ZYG11A: variants seen among roughly 807,000 people sequenced by gnomAD.
ZYG11A encodes zyg-11 family member A, cell cycle regulator.
A neutral mutation model predicts 77.2 loss-of-function variants in ZYG11A; 62 were observed. That is an observed-to-expected ratio of 0.80 (90% CI 0.65 to 0.99). The LOEUF (loss-of-function observed/expected upper bound fraction) is 0.99, where lower values mean the gene tolerates loss of function less well. Ranked by LOEUF, ZYG11A falls within the 50% of genes least tolerant of loss-of-function variation. ZYG11A has a pLI of 0.00. For synonymous variants in ZYG11A, 315 were observed against 324.6 expected, an observed-to-expected ratio of 0.97 and a Z score of 0.32; for missense variants, 828 against 896.8, an observed-to-expected ratio of 0.92 and a Z score of 0.98.
intron 4 of ZYG11A, among the ~76,000 whole-genome samples, chr1:52,861,302 A>C (rs1645922185): frequency 6.6e-6 from 1 of 152,178 alleles, no homozygotes; most frequent in African/African-American, 2.4e-5. Context: ...GAGGCTTGGG[A>C]AAGAAAACTT....
intron 8 of ZYG11A, among the ~76,000 whole-genome samples, chr1:52,870,066 G>T (rs1334857517): frequency 1.4e-5 from 2 of 145,300 alleles, no homozygotes; most frequent in Non-Finnish European, 3.0e-5. Flanking sequence ...CCTCCCAGAC[G>T]GGGTCGCGGC....
At chr1:52,863,851 A>G (rs1645972959) in intron 4 of ZYG11A, 130 bp from the exon 5 acceptor site, 6 of 794,674 alleles carry the variant, frequency 7.6e-6, no homozygotes, top group Non-Finnish European at 1.2e-5. Context: ...GTTCTAAAGA[A>G]TAAATGCTTA....
At chr1:52,862,461 G>A (rs1045129961) in intron 4 of ZYG11A, among the ~76,000 whole-genome samples, 4 of 150,716 alleles carry the variant, frequency 2.7e-5, no homozygotes, top group African/African-American at 9.7e-5. Context: ...ACAGGCGCCC[G>A]TCACCACGCC....
chr1:52,874,934 G>A (rs928825427), intron 8 of ZYG11A, among the ~76,000 whole-genome samples: 1 of 152,204 alleles, frequency 6.6e-6, no homozygotes, highest in East Asian at 1.9e-4. Flanking sequence ...ACATTATAGT[G>A]TAAACATAGC....
intron 1 of ZYG11A, among the ~76,000 whole-genome samples, chr1:52,847,835 AATTTATTTATTTATTTATTTATTT>A (rs5774129): frequency 1.7e-5 from 2 of 119,364 alleles, no homozygotes; most frequent in African/African-American, 7.6e-5. Context: ...ACGCCTTGCT[AATTTATTTATTTATTTATTTATTT>A]ATTTATTTAT....
chr1:52,878,579 T>C (rs1646303118), intron 10 of ZYG11A, among the ~76,000 whole-genome samples: 1 of 152,186 alleles, frequency 6.6e-6, no homozygotes, highest in South Asian at 2.1e-4. Flanking sequence ...TTTTGTATTC[T>C]ACCATACACT....
chr1:52,881,291 A>G, intron 10 of ZYG11A, 180 bp from the exon 11 acceptor site: 1 of 491,340 alleles, frequency 2.0e-6, no homozygotes, highest in Non-Finnish European at 3.6e-6. Context: ...ATTGTTGTTA[A>G]TGATCATCCT....
At chr1:52,858,609 T>G (rs1004536467) in intron 3 of ZYG11A, among the ~76,000 whole-genome samples, 4 of 145,342 alleles carry the variant, frequency 2.8e-5, no homozygotes, top group Non-Finnish European at 4.5e-5. Flanking sequence ...CCGGCCCGAT[T>G]ATTATTATTA....
Position 52,881,607 on chromosome 1 carries a change from C to T in ZYG11A, c.1886C>T (p.Ser629Phe). 6.4e-7 allele frequency: 1 copy of T among 1,552,386 alleles called. No individual in the cohort carries two copies. The highest frequency in any genetic ancestry group is 8.7e-7 in the Non-Finnish European group (1 of 1,147,152). Residue 629 changes from serine to phenylalanine, a missense_variant, in exon 11 of 14, where the codon TCT becomes TTT. By Grantham distance (155) the Ser-to-Phe change is radical. Transcript: ENST00000371528. ...FAAGIIAHLT[S>F]DRQLWISRDF... ...GCAGGTATCATAGCCCACCTGACATCTGACAGACAGCTTTGGATATCCCGT... is the reference window on the plus strand; with the variant it reads ...GCAGGTATCATAGCCCACCTGACATTTGACAGACAGCTTTGGATATCCCGT...
chr1:52,860,624 T>C (rs1281765239), intron 3 of ZYG11A, 107 bp from the exon 4 acceptor site: 5 of 1,213,520 alleles, frequency 4.1e-6, no homozygotes, highest in Non-Finnish European at 5.8e-6. Flanking sequence ...ATTGAACATT[T>C]GTTGTTATTG....
intron 11 of ZYG11A, among the ~76,000 whole-genome samples, chr1:52,884,807 T>A (rs555926555): frequency 6.6e-6 from 1 of 152,212 alleles, no homozygotes; most frequent in African/African-American, 2.4e-5. Context: ...CTGAATTGTT[T>A]ATGGGGTTGC....
intron 3 of ZYG11A, among the ~76,000 whole-genome samples, chr1:52,859,796 G>T (rs2149997969): frequency 6.9e-6 from 1 of 145,284 alleles, no homozygotes; most frequent in South Asian, 2.3e-4. Context: ...TCCTGGCTCA[G>T]CCTCCCTAGT....
At chr1:52,881,904 CTTT>C (rs140988580) in intron 11 of ZYG11A, among the ~76,000 whole-genome samples, 25 of 139,978 alleles carry the variant, frequency 1.8e-4, no homozygotes, top group Non-Finnish European at 2.5e-4. Flanking sequence ...ATTGATGTTT[CTTT>C]TTTTTTTTTT....
At chr1:52,876,210 A>G (rs1196659062) in intron 8 of ZYG11A, among the ~76,000 whole-genome samples, 2 of 152,230 alleles carry the variant, frequency 1.3e-5, no homozygotes, top group Admixed American at 6.5e-5. Context: ...AAATACGGTT[A>G]AGTGTCCTTT....
chr1:52,853,777 A>C (rs1645757784), intron 1 of ZYG11A, among the ~76,000 whole-genome samples: 1 of 152,110 alleles, frequency 6.6e-6, no homozygotes, highest in Non-Finnish European at 1.5e-5. Flanking sequence ...GCATGGTGGC[A>C]TGGGCTTGTA....
intron 8 of ZYG11A, 120 bp downstream of exon 8, chr1:52,867,897 T>G: frequency 1.3e-6 from 1 of 753,616 alleles, no homozygotes; most frequent in East Asian, 2.9e-5. Flanking sequence ...TGTAAGACTT[T>G]CTCCCCAGAA....
intron 13 of ZYG11A, among the ~76,000 whole-genome samples, chr1:52,887,905 T>A (rs948941773): frequency 4.6e-5 from 7 of 152,162 alleles, no homozygotes; most frequent in African/African-American, 1.7e-4. Flanking sequence ...TGAGACTTGT[T>A]ATACAATTTT....
At chr1:52,856,952 C>G in intron 2 of ZYG11A, 46 bp from the exon 3 acceptor site, 1 of 1,468,930 alleles carries the variant, frequency 6.8e-7, no homozygotes, top group South Asian at 1.4e-5. Context: ...CCTGGAAAGA[C>G]ATGAGATCTA....
In ZYG11A at chr1:52,887,005, G is replaced by T. The variant is rs1342574094; in HGVS notation, c.2056G>T (p.Val686Phe). ...CCTTGGCAACTTCTCTCAACCAGAGGTTCAGCTCTGGGCACTATGGGCTAT... is the reference window on the plus strand; with the variant it reads ...CCTTGGCAACTTCTCTCAACCAGAGTTTCAGCTCTGGGCACTATGGGCTAT... ...PLLGNFSQPE[V>F]QLWALWAMYH... The change falls in exon 13 of 14, where the codon GTT (valine) becomes TTT (phenylalanine). Residue 686 changes from valine to phenylalanine, a missense_variant. By Grantham distance (50) the Val-to-Phe change is conservative (BLOSUM62 -1). Transcript: ENST00000371528. 1.3e-6 allele frequency: 2 copies of T among 1,549,800 alleles called. No individual in the cohort carries two copies. The highest frequency in any genetic ancestry group is 1.4e-5 in the African/African-American group (1 of 72,872).
Sources: gnomAD v4.1 joint callset for allele counts (sites outside exome capture counted in the v4.1 genomes callset) on GRCh38, gnomAD v4.1.1 for gene constraint, MANE v1.5 for transcripts, NCBI Gene and HGNC (gene_info 2026-07-23, HGNC 2026-07-21) for gene names.